Variants in TAFA2 observed in about 807,000 individuals in gnomAD.
TAFA2 encodes the protein chemokine-like protein TAFA-2.
In TAFA2, 7 loss-of-function variants were observed where a neutral mutation model predicts 18.8. That is an observed-to-expected ratio of 0.37 (90% CI 0.21 to 0.70). TAFA2 has a LOEUF of 0.70. Among genes scored for constraint, TAFA2 ranks in the 30% least tolerant of loss-of-function variants. The pLI, the probability that TAFA2 is intolerant of heterozygous loss-of-function variation, is 0.53. For synonymous variants in TAFA2, 60 were observed against 54.2 expected (o/e 1.11, Z -0.47); for missense variants, 122 against 158.1 (o/e 0.77, Z 1.23).
chr12:61,991,979 T>C (rs554986322), intron 1 of TAFA2, among the ~76,000 whole-genome samples: 1 of 152,298 alleles, frequency 6.6e-6, no homozygotes, highest in Admixed American at 6.5e-5. Context: ...CTTTCAGTCT[T>C]CTTTGCTGGC....
intron 1 of TAFA2, among the ~76,000 whole-genome samples, chr12:62,095,221 G>A (rs1345068541): frequency 1.3e-5 from 2 of 152,060 alleles, no homozygotes; most frequent in South Asian, 2.1e-4. Context: ...AGAAATGCAA[G>A]GTCTTTGAGC....
At chr12:61,775,009 C>T (rs1870195317) in intron 2 of TAFA2, among the ~76,000 whole-genome samples, 1 of 151,636 alleles carries the variant, frequency 6.6e-6, no homozygotes, top group Non-Finnish European at 1.5e-5. Flanking sequence ...AGGAGCCAAA[C>T]CATTTAGCAA....
chr12:61,860,808 T>G (rs139172358), intron 2 of TAFA2, among the ~76,000 whole-genome samples: 182 of 152,318 alleles, frequency 1.2e-3, no homozygotes, highest in African/African-American at 4.2e-3. Flanking sequence ...TTTTACAGTT[T>G]ATATACTCTT....
intron 1 of TAFA2, among the ~76,000 whole-genome samples, chr12:61,998,934 T>C (rs1027424737): frequency 5.9e-5 from 9 of 152,212 alleles, no homozygotes; most frequent in African/African-American, 1.9e-4. Context: ...CAGCAGCTCA[T>C]ATCCTGAGGA....
chr12:62,037,007 C>T (rs184419622), intron 1 of TAFA2, among the ~76,000 whole-genome samples: 16 of 152,220 alleles, frequency 1.1e-4, no homozygotes, highest in South Asian at 4.2e-4. Context: ...TTAATGAGTG[C>T]TTGGAAGGTA....
At chr12:61,777,113 C>A (rs1009327851) in intron 2 of TAFA2, among the ~76,000 whole-genome samples, 1 of 151,862 alleles carries the variant, frequency 6.6e-6, no homozygotes, top group African/African-American at 2.4e-5. Flanking sequence ...GTAACATGCC[C>A]TCCTGGGCCA....
At chr12:61,843,576 G>C (rs548156495) in intron 2 of TAFA2, among the ~76,000 whole-genome samples, 1 of 152,194 alleles carries the variant, frequency 6.6e-6, no homozygotes, top group Non-Finnish European at 1.5e-5. Context: ...GGAAAAAAGA[G>C]ATCTCAAAGA....
At chr12:62,097,688 G>T (rs921224310) in intron 1 of TAFA2, among the ~76,000 whole-genome samples, 2 of 152,196 alleles carry the variant, frequency 1.3e-5, no homozygotes, top group African/African-American at 4.8e-5. Context: ...GGACATTGCA[G>T]TAATGCACGT....
chr12:61,726,081 T>C (rs538967711), intron 4 of TAFA2, among the ~76,000 whole-genome samples: 1 of 151,878 alleles, frequency 6.6e-6, no homozygotes, highest in African/African-American at 2.4e-5. Context: ...TACACATTTC[T>C]AATCCTCCAT....
At chr12:62,242,658 A>C (rs2062867902) in intron 1 of TAFA2, 1 of 152,256 alleles carries the variant, frequency 6.6e-6, no homozygotes, top group Non-Finnish European at 1.5e-5. Context: ...ATGTTCCCAA[A>C]CAGGAAAACA....
At chr12:61,850,400 ATATTT>A (rs958823662) in intron 2 of TAFA2, among the ~76,000 whole-genome samples, 132 of 151,942 alleles carry the variant, frequency 8.7e-4, no homozygotes, top group African/African-American at 3.0e-3. Context: ...ATTATCCATT[ATATTT>A]TATATTATGG....
chr12:61,722,092 A>T (rs1869931257), intron 4 of TAFA2, among the ~76,000 whole-genome samples: 1 of 152,214 alleles, frequency 6.6e-6, no homozygotes, highest in Non-Finnish European at 1.5e-5. Context: ...AATAAATAAT[A>T]AATCGTATGT....
chr12:62,208,851 C>A (rs1349084009), intron 1 of TAFA2, among the ~76,000 whole-genome samples: 1 of 152,178 alleles, frequency 6.6e-6, no homozygotes, highest in African/African-American at 2.4e-5. Flanking sequence ...CAGAATTAGT[C>A]CTCCTTCAGT....
chr12:61,814,419 T>C (rs1871995247), intron 2 of TAFA2, among the ~76,000 whole-genome samples: 1 of 151,234 alleles, frequency 6.6e-6, no homozygotes, highest in Admixed American at 6.6e-5. Flanking sequence ...TGGGCAGACA[T>C]TGAAGGATCT....
At chr12:61,837,359 CAAG>C (rs1377848231) in intron 2 of TAFA2, among the ~76,000 whole-genome samples, 1 of 151,914 alleles carries the variant, frequency 6.6e-6, no homozygotes, top group East Asian at 1.9e-4. Flanking sequence ...CCTCTCCTTA[CAAG>C]AATAAAAATG....
chr12:61,880,388 C>T, intron 1 of TAFA2: 1 of 531,464 alleles, frequency 1.9e-6, no homozygotes. Flanking sequence ...GCTGTTGGAG[C>T]TGGAGGCCGC....
chr12:62,197,650 C>T (rs999691297), upstream of TAFA2, among the ~76,000 whole-genome samples: 11 of 152,156 alleles, frequency 7.2e-5, no homozygotes, highest in Non-Finnish European at 1.5e-4. Context: ...GATCTAGTTT[C>T]TGTCACTATA....
At chr12:62,021,584 G>A in intron 1 of TAFA2, 1 of 870,242 alleles carries the variant, frequency 1.1e-6, no homozygotes, top group Non-Finnish European at 2.0e-6. Context: ...GTGGGGACTG[G>A]CTGGGTGACG....
chr12:62,184,502 C>CTTTTT lies in TAFA2; in HGVS notation c.-2+6752_-2+6756dup, dbSNP rs10526118. On this transcript the variant is annotated intron_variant, in intron 1 of 4. Coordinates refer to ENST00000416284, the MANE Select transcript of TAFA2 (RefSeq NM_178539.5). ...CTGAACACACGGGAAAAAAAAAATT[C>CTTTTT]TTTTTTTTTTGAGGCATAGTCTCAC... 1.9e-5 allele frequency among the ~76,000 whole-genome samples: 2 copies of CTTTTT among 106,170 alleles called. 1 individual carries two copies. The highest frequency in any genetic ancestry group is 7.4e-5 in the African/African-American group (2 of 26,868). The allele number at this position is 106,170 out of a possible 152,430, so 69.7% of individuals were successfully genotyped here. A position where few individuals can be genotyped will look rare whatever the true frequency, so the allele number is the denominator to read the frequency against.
Sources: gnomAD v4.1 joint callset for allele counts (sites outside exome capture counted in the v4.1 genomes callset) on GRCh38, gnomAD v4.1.1 for gene constraint, MANE v1.5 for transcripts, NCBI Gene and HGNC (gene_info 2026-07-23, HGNC 2026-07-21) for gene names.